Variants in CD163 observed in about 807,000 individuals in gnomAD.
The protein encoded by CD163 is CD163 molecule.
CD163 carries 64 observed loss-of-function variants against 129.2 expected under a neutral mutation model. That is an observed-to-expected ratio of 0.50 (90% CI 0.41 to 0.61). CD163 has a LOEUF of 0.61. CD163 is among the 20% of genes least tolerant of loss of function. The pLI is 0.00. For synonymous variants in CD163, 446 were observed against 478.5 expected (o/e 0.93, Z 0.89); for missense variants, 1,061 against 1,377.9 (o/e 0.77, Z 3.64).
intron 6 of CD163, among the ~76,000 whole-genome samples, chr12:7,489,892 T>C (rs1038393775): frequency 6.6e-6 from 1 of 152,052 alleles, no homozygotes; most frequent in African/African-American, 2.4e-5. Context: ...TCAACCTAAT[T>C]TGATGCTCCA....
Position 7,495,281 on chromosome 12 carries a change from G to C in CD163, c.1220C>G (p.Ala407Gly), listed in dbSNP as rs1949384616. Reference protein sequence around the residue: ...VCDRGWGLKEADVVCRQLGCG... With the variant: ...VCDRGWGLKEGDVVCRQLGCG... ...TCCCAGCTGCCTGCAAACCACATCA[G>C]CTTCTTTCAGTCCCCAGCCTCTGTC... Residue 407 changes from alanine to glycine, a missense_variant, in exon 6 of 17, where the codon GCT becomes GGT. Physicochemically the swap from Ala to Gly is moderately conservative, Grantham distance 60 (BLOSUM62 0). Transcript: ENST00000432237. 3 of 1,614,096 alleles carry C rather than the reference G, an allele frequency of 1.9e-6. No homozygotes were observed. In the South Asian group the frequency reaches 3.3e-5, roughly 18 times the overall value.
chr12:7,486,869 T>G, intron 9 of CD163, 25 bp downstream of exon 9: 1 of 1,607,440 alleles, frequency 6.2e-7, no homozygotes, highest in Admixed American at 1.7e-5. Flanking sequence ...ATTAATATTT[T>G]CATAGATTTG....
Position 7,496,322 on chromosome 12 carries a change from T to A in CD163, c.1099+491A>T, listed in dbSNP as rs926698156. On this transcript the variant is annotated intron_variant, in intron 5 of 16. Coordinates refer to ENST00000432237, the MANE Select transcript of CD163 (RefSeq NM_203416.4). This position sits in a 1 kb window ranked among gnomAD's most constrained non-coding sequence, Gnocchi z 4.8. The stretch of plus-strand genomic sequence containing the variant: ...GAGGGGAACATCACACACTGGGGCC[T>A]GTCAATGGGTGGGGGGAAAGGGGAG... Among the ~76,000 whole-genome samples, 2 of 148,906 alleles carry A rather than the reference T, an allele frequency of 1.3e-5. No individual in the cohort carries two copies. The highest frequency in any genetic ancestry group is 3.0e-5 in the Non-Finnish European group (2 of 67,488).
In CD163 at chr12:7,479,868, G is replaced by A; in HGVS notation, c.*23C>T. The A allele has an allele frequency of 1.2e-6, 2 of 1,612,088 alleles. No individual in the cohort carries two copies. Among genetic ancestry groups the A allele is most frequent in the South Asian group, 1.1e-5 (1 of 90,760 alleles). On this transcript the variant is annotated 3_prime_UTR_variant, in exon 16 of 17. Coordinates refer to ENST00000432237, the MANE Select transcript of CD163 (RefSeq NM_203416.4). ...AAATTCTCATCACTCACCTCACTGG[G>A]TTATAAATTCCCATTTTCCTTTTCA...
rs1949176048 is a variant in CD163, at chr12:7,482,552, T to C, written c.3247+91A>G. ...CTCAAACCTCTTTTAGAGTCCATCT[T>C]TCTGGCCATTAGACTTGAGTCTAAT... is the stretch of plus-strand genomic sequence containing the variant. On this transcript the variant is annotated intron_variant, in intron 14 of 16. Coordinates refer to ENST00000432237, the MANE Select transcript of CD163 (RefSeq NM_203416.4). The C allele has an allele frequency of 1.1e-5, 16 of 1,403,960 alleles. No individual in the cohort carries two copies. In the South Asian group the frequency reaches 2.2e-4, roughly 19 times the overall value. 87.0% of individuals were successfully genotyped at this position (1,403,960 alleles called of 1,614,324 possible). A position where few individuals can be genotyped will look rare whatever the true frequency, so the allele number is the denominator to read the frequency against.
intron 6 of CD163, among the ~76,000 whole-genome samples, chr12:7,492,452 G>GT (rs1949338998): frequency 6.6e-6 from 1 of 152,126 alleles, no homozygotes; most frequent in African/African-American, 2.4e-5. Flanking sequence ...TGACTCAGGT[G>GT]TGAGAGGCTA....
Position 7,482,661 on chromosome 12 carries a change from G to A in CD163, c.3229C>T (p.Gln1077Ter). ...ALFFLTKKRR[Q>*]RQRLAVSSRG... ...CTCAAACCTGCAAGCCGCTGTCTCTGTCTTCGCTTTTTAGTCAAGAAGAAT... is the reference window on the plus strand; with the variant it reads ...CTCAAACCTGCAAGCCGCTGTCTCTATCTTCGCTTTTTAGTCAAGAAGAAT... Residue 1077 changes from glutamine (Q) to a stop codon, truncating the protein, a stop_gained, in exon 14 of 17, where the codon CAG becomes TAG. Transcript: ENST00000432237. LOFTEE classifies it high-confidence loss of function. The A allele has an allele frequency of 6.2e-7, 1 of 1,614,112 alleles. No individual in the cohort carries two copies. The highest frequency in any genetic ancestry group is 8.5e-7 in the Non-Finnish European group (1 of 1,180,002).
Position 7,483,494 on chromosome 12 carries a change from C to T in CD163, c.2961G>A (p.Gly987=), listed in dbSNP as rs776402823. 6.2e-7 allele frequency: 1 copy of T among 1,614,016 alleles called. No individual in the cohort carries two copies. The highest frequency in any genetic ancestry group is 8.5e-7 in the Non-Finnish European group (1 of 1,179,980). The change falls in exon 12 of 17, where the codon GGG becomes GGA. Residue 987 remains glycine, a synonymous_variant. Transcript: ENST00000432237. ...CTTCATTGAGCCATATCGGTCCAGTCCCCTGACCAAACTCTGCTTCTTTGA... is the reference window on the plus strand; with the variant it reads ...CTTCATTGAGCCATATCGGTCCAGTTCCCTGACCAAACTCTGCTTCTTTGA... ...KAFKEAEFGQ[G]TGPIWLNEVK...
chr12:7,501,613 T>C lies in CD163; in HGVS notation c.134-151A>G, dbSNP rs185998854. The C allele has an allele frequency of 6.4e-4, 407 of 636,610 alleles. 2 individuals carry two copies. The highest frequency in any genetic ancestry group is 4.3e-3 in the African/African-American group (237 of 54,692). 39.4% of individuals were successfully genotyped at this position (636,610 alleles called of 1,614,324 possible). A position where few individuals can be genotyped will look rare whatever the true frequency, so the allele number is the denominator to read the frequency against. On this transcript the variant is annotated intron_variant, in intron 2 of 16. Coordinates refer to ENST00000432237, the MANE Select transcript of CD163 (RefSeq NM_203416.4). Reference sequence around the variant, plus strand: ...AAAACAGAAGAATGTTATTTCACAGTCATTCAAATATAAGTATCAGTATCA... The same window carrying C: ...AAAACAGAAGAATGTTATTTCACAGCCATTCAAATATAAGTATCAGTATCA...
intron 11 of CD163, among the ~76,000 whole-genome samples, chr12:7,484,464 A>AC (rs1949219706): frequency 6.6e-6 from 1 of 151,680 alleles, no homozygotes; most frequent in Non-Finnish European, 1.5e-5. Flanking sequence ...ACATGGGGAA[A>AC]CCCCATCTCA....
chr12:7,487,010 C>A lies in CD163; in HGVS notation c.2051-24G>T. 2.5e-6 allele frequency: 4 copies of A among 1,577,172 alleles called. No individual in the cohort carries two copies. In the South Asian group the frequency reaches 4.5e-5, roughly 18 times the overall value. ...TCCTGCAAACACCAAGGTACTCAGT[C>A]ATACAAGACACAAAAGGTTAGGGGA... On this transcript the variant is annotated intron_variant, in intron 8 of 16. Transcript: ENST00000432237. The surrounding 1 kb of genome is among the most constrained non-coding windows in gnomAD (Gnocchi z 5.1).
At chr12:7,497,578 T>G (rs1410702337) in intron 4 of CD163, among the ~76,000 whole-genome samples, 1 of 152,134 alleles carries the variant, frequency 6.6e-6, no homozygotes, top group Non-Finnish European at 1.5e-5. Flanking sequence ...CACCTGAACC[T>G]GTTGTGACCA....
intron 13 of CD163, 24 bp downstream of exon 13, chr12:7,482,942 A>T: frequency 6.2e-7 from 1 of 1,611,476 alleles, no homozygotes; most frequent in Non-Finnish European, 8.5e-7. Flanking sequence ...AATTGGTCTC[A>T]TCATCATAAA....
intron 14 of CD163, among the ~76,000 whole-genome samples, chr12:7,482,240 A>C (rs1008674170): frequency 6.6e-6 from 1 of 152,254 alleles, no homozygotes; most frequent in African/African-American, 2.4e-5. Flanking sequence ...CATCCTAAAC[A>C]ATATCTAACA....
In CD163 at chr12:7,483,502, CA is replaced by C; in HGVS notation, c.2952del (p.Phe984LeufsTer13). On this transcript the variant is annotated frameshift_variant, in exon 12 of 17. Transcript: ENST00000432237. LOFTEE classifies it high-confidence loss of function. ...AGCCATATCGGTCCAGTCCCCTGAC[CA>C]AACTCTGCTTCTTTGAATGCTTTCA... ...PALKAFKEAE[F>X]GQGTGPIWLN... 6.2e-7 allele frequency: 1 copy of C among 1,614,020 alleles called. No individual in the cohort carries two copies. Among genetic ancestry groups the C allele is most frequent in the Non-Finnish European group, 8.5e-7 (1 of 1,179,994 alleles).
chr12:7,489,781 G>A (rs989496396), intron 6 of CD163, among the ~76,000 whole-genome samples: 3 of 151,880 alleles, frequency 2.0e-5, no homozygotes, highest in African/African-American at 4.8e-5. Flanking sequence ...CCCTAATTTC[G>A]TCCAGCTATT....
intron 14 of CD163, among the ~76,000 whole-genome samples, chr12:7,482,053 G>T (rs1248620488): frequency 6.6e-6 from 1 of 151,934 alleles, no homozygotes; most frequent in Non-Finnish European, 1.5e-5. Context: ...ATGTAAAATG[G>T]CTACATTGTA....
chr12:7,502,233 C>T (rs897865486), intron 2 of CD163, among the ~76,000 whole-genome samples: 1 of 152,190 alleles, frequency 6.6e-6, no homozygotes, highest in African/African-American at 2.4e-5. Flanking sequence ...TTCAGTTCAA[C>T]ATTATTTCTA....
Position 7,501,309 on chromosome 12 carries a change from G to A in CD163, c.287C>T (p.Thr96Ile), listed in dbSNP as rs763517439. 6 of 1,614,192 alleles carry A rather than the reference G, an allele frequency of 3.7e-6. No homozygotes were observed. The highest frequency in any genetic ancestry group is 5.1e-6 in the Non-Finnish European group (6 of 1,180,018). ...AGCCCATCCAGGGGCTTTGATAGCA[G>A]TTGGACATCCCAGCTGGTTACAAAT... ...SVICNQLGCP[T>I]AIKAPGWANS... Residue 96 changes from threonine (T) to isoleucine (I), a missense_variant, in exon 3 of 17, where the codon ACT becomes ATT. Transcript: ENST00000432237.
Sources: allele counts gnomAD v4.1 joint callset (sites outside exome capture counted in the v4.1 genomes callset), GRCh38; gene constraint gnomAD v4.1.1; non-coding constraint Gnocchi (gnomAD v3.1); transcripts MANE v1.5; gene names NCBI Gene and HGNC (gene_info 2026-07-23, HGNC 2026-07-21).